The following ALKAL1 variants were observed in gnomAD, a reference collection of about 807,000 sequenced individuals.
ALKAL1 encodes the protein ALK and LTK ligand 1, also known as AUG-beta.
ALKAL1 carries 23 observed loss-of-function variants against 13.5 expected under a neutral mutation model. The ratio of observed to expected loss-of-function variants is 1.70; its 90% confidence interval spans 1.23 to 2.41. The LOEUF (loss-of-function observed/expected upper bound fraction) is 2.41, where lower values mean the gene tolerates loss of function less well. Ranked by LOEUF, ALKAL1 falls within the 30% of genes most tolerant of loss-of-function variation. The pLI, the probability that ALKAL1 is intolerant of heterozygous loss-of-function variation, is 0.00. For missense variants in ALKAL1, 181 were observed against 178.4 expected, an observed-to-expected ratio of 1.01 and a Z score of -0.08; for synonymous variants, 85 against 77.7, an observed-to-expected ratio of 1.09 and a Z score of -0.49.
At chr8:52,547,290 G>A (rs28702857) in intron 1 of ALKAL1, among the ~76,000 whole-genome samples, 24,804 of 151,974 alleles carry the variant, frequency 0.16, 2,285 homozygotes, top group South Asian at 0.26. Flanking sequence ...CTGAGGTCAG[G>A]AGTTCGAGAC....
At chr8:52,553,277 G>C (rs976782697) in intron 1 of ALKAL1, among the ~76,000 whole-genome samples, 1 of 152,150 alleles carries the variant, frequency 6.6e-6, no homozygotes, top group Non-Finnish European at 1.5e-5. Context: ...GAGCCCAGGA[G>C]TTAGAAGATG....
At chr8:52,549,373 A>G (rs1051123814) in intron 1 of ALKAL1, among the ~76,000 whole-genome samples, 2 of 151,606 alleles carry the variant, frequency 1.3e-5, no homozygotes, top group Admixed American at 1.3e-4. Context: ...TTCAAATTTA[A>G]TTTCAAAATG....
At chr8:52,555,044 G>A (rs1416892695) in intron 1 of ALKAL1, among the ~76,000 whole-genome samples, 6 of 152,004 alleles carry the variant, frequency 3.9e-5, no homozygotes, top group Non-Finnish European at 7.4e-5. Context: ...GGTGGCGGGC[G>A]CCTGTAGTCC....
At chr8:52,558,650 T>C (rs1274059006) in intron 1 of ALKAL1, among the ~76,000 whole-genome samples, 1 of 152,122 alleles carries the variant, frequency 6.6e-6, no homozygotes, top group African/African-American at 2.4e-5. Flanking sequence ...GGCTCGTTTA[T>C]AGGCATTGGC....
chr8:52,563,958 A>G (rs925147877), intron 1 of ALKAL1, among the ~76,000 whole-genome samples: 21 of 152,248 alleles, frequency 1.4e-4, no homozygotes, highest in African/African-American at 5.1e-4. Context: ...GCATGGTGAC[A>G]GACAGGAACT....
chr8:52,548,378 T>A (rs561500287), intron 1 of ALKAL1, among the ~76,000 whole-genome samples: 11 of 150,488 alleles, frequency 7.3e-5, no homozygotes, highest in African/African-American at 2.7e-4. Flanking sequence ...AGAAATAAAA[T>A]AAAATGTAAG....
chr8:52,537,724 A>G (rs1847276754), intron 4 of ALKAL1, among the ~76,000 whole-genome samples: 1 of 152,108 alleles, frequency 6.6e-6, no homozygotes, highest in Non-Finnish European at 1.5e-5. Context: ...CAGGCACAGA[A>G]AGATAAATAT....
intron 1 of ALKAL1, among the ~76,000 whole-genome samples, chr8:52,558,911 G>A (rs1051027014): frequency 6.6e-6 from 1 of 152,090 alleles, no homozygotes; most frequent in African/African-American, 2.4e-5. Flanking sequence ...ATTGGGCATC[G>A]GCAGCTGGGG....
intron 3 of ALKAL1, 68 bp from the exon 4 acceptor site, chr8:52,538,575 A>C: frequency 1.0e-6 from 1 of 963,806 alleles, no homozygotes; most frequent in Non-Finnish European, 1.6e-6. Context: ...TCCTGTTATT[A>C]TTGTCACTAA....
intron 2 of ALKAL1, among the ~76,000 whole-genome samples, chr8:52,540,990 G>A (rs1053152338): frequency 2.1e-4 from 32 of 152,172 alleles, no homozygotes; most frequent in Admixed American, 1.2e-3. Flanking sequence ...GGCCTGAGGT[G>A]TAAAACAAGA....
intron 1 of ALKAL1, among the ~76,000 whole-genome samples, chr8:52,548,440 G>A (rs1847394522): frequency 6.6e-6 from 1 of 152,056 alleles, no homozygotes; most frequent in Non-Finnish European, 1.5e-5. Flanking sequence ...CTATAGCACT[G>A]TAAGATGACT....
rs1250277171 is a variant in ALKAL1 at position 52,542,587 on chromosome 8, C to G, written c.191-142G>C. 5 of 602,366 alleles carry G rather than the reference C, an allele frequency of 8.3e-6. No homozygotes were observed. The African/African-American group carries it at 9.3e-5, about 11-fold the overall frequency. The allele number at this position is 602,366 out of a possible 1,614,324, so 37.3% of individuals were successfully genotyped here. Reference sequence around the variant, plus strand: ...TTTAGCTGATCCCAAACTGGTTTCTCCAGCCCTGACCATTTCCTGGGCTCC... The same window carrying G: ...TTTAGCTGATCCCAAACTGGTTTCTGCAGCCCTGACCATTTCCTGGGCTCC... On this transcript the variant is annotated intron_variant, in intron 1 of 4. Coordinates refer to ENST00000358543, the MANE Select transcript of ALKAL1 (RefSeq NM_207413.4).
chr8:52,564,326 CA>C (rs1412374164), intron 1 of ALKAL1, among the ~76,000 whole-genome samples: 1 of 152,220 alleles, frequency 6.6e-6, no homozygotes, highest in Non-Finnish European at 1.5e-5. Flanking sequence ...CTCCTCCCTC[CA>C]GCGCTGCCCC....
intron 1 of ALKAL1, among the ~76,000 whole-genome samples, chr8:52,562,269 G>T (rs1245398558): frequency 6.6e-6 from 1 of 152,152 alleles, no homozygotes; most frequent in Non-Finnish European, 1.5e-5. Flanking sequence ...TCTCAAGAGG[G>T]TCTGAACTAG....
Position 52,565,361 on chromosome 8 carries a change from C to T in ALKAL1, c.-105G>A. The T allele has an allele frequency of 2.1e-6, 2 of 934,038 alleles. No individual in the cohort carries two copies. The highest frequency in any genetic ancestry group is 2.8e-6 in the Non-Finnish European group (2 of 704,074). 57.9% of individuals were successfully genotyped at this position (934,038 alleles called of 1,614,324 possible). A position where few individuals can be genotyped will look rare whatever the true frequency, so the allele number is the denominator to read the frequency against. On this transcript the variant is annotated 5_prime_UTR_variant, in exon 1 of 5. Transcript: ENST00000358543. ...GGCCAGCGGGACCACAGCGCGGCTA[C>T]GCGGCCGGCCGCAGTCTTCACCGCG...
chr8:52,547,686 G>A (rs968884924), intron 1 of ALKAL1, among the ~76,000 whole-genome samples: 1 of 151,990 alleles, frequency 6.6e-6, no homozygotes, highest in African/African-American at 2.4e-5. Flanking sequence ...AAAGAAATGT[G>A]TGAATTAATT....
rs1271411549 is a variant in ALKAL1, at chr8:52,565,105, G to A, written c.152C>T (p.Ala51Val). 7.8e-6 allele frequency: 11 copies of A among 1,414,820 alleles called. No homozygotes were observed. The highest frequency in any genetic ancestry group is 1.0e-5 in the Non-Finnish European group (11 of 1,079,060). 87.6% of individuals were successfully genotyped at this position (1,414,820 alleles called of 1,614,324 possible). ...GCCGCTGGGAGTCCGGCCGGCCCCGGCCGCGGGGAGGAAAAGCAACGGCTT... is the reference window on the plus strand; with the variant it reads ...GCCGCTGGGAGTCCGGCCGGCCCCGACCGCGGGGAGGAAAAGCAACGGCTT... ...EPKPLLFLPA[A>V]GAGRTPSGSR... Residue 51 changes from alanine to valine, a missense_variant, in exon 1 of 5, where the codon GCC becomes GTC. Coordinates refer to ENST00000358543, the MANE Select transcript of ALKAL1 (RefSeq NM_207413.4).
At position 52,538,575 on chromosome 8, in the gene ALKAL1, A is replaced by T. The variant is rs532840607; in HGVS notation, c.326-68T>A. 1.3e-3 allele frequency: 1,241 copies of T among 963,794 alleles called. 2 individuals are homozygous for T. Among genetic ancestry groups the T allele is most frequent in the Non-Finnish European group, 1.9e-3 (1,173 of 618,164 alleles). 59.7% of individuals were successfully genotyped at this position (963,794 alleles called of 1,614,324 possible). ...GAAATGTTGGGGAAATCCTGTTATT[A>T]TTGTCACTAATTCATATAACAATAA... On this transcript the variant is annotated intron_variant, in intron 3 of 4. Coordinates refer to ENST00000358543, the MANE Select transcript of ALKAL1 (RefSeq NM_207413.4).
intron 1 of ALKAL1, among the ~76,000 whole-genome samples, chr8:52,559,236 T>TA (rs1217554524): frequency 6.6e-6 from 1 of 152,224 alleles, no homozygotes; most frequent in Non-Finnish European, 1.5e-5. Flanking sequence ...ATAGTGATTC[T>TA]AAAAAAGGGG....
Sources: gnomAD v4.1 joint callset for allele counts (sites outside exome capture counted in the v4.1 genomes callset) on GRCh38, gnomAD v4.1.1 for gene constraint, MANE v1.5 for transcripts, NCBI Gene and HGNC (gene_info 2026-07-23, HGNC 2026-07-21) for gene names.